Variants in ITGA9 observed in about 807,000 individuals in gnomAD.
ITGA9 encodes the protein integrin alpha-9.
ITGA9 carries 56 observed loss-of-function variants against 127.8 expected under a neutral mutation model. The observed-to-expected ratio is 0.44, with a 90% confidence interval of 0.35 to 0.55. The LOEUF (loss-of-function observed/expected upper bound fraction) is 0.55. Among genes scored for constraint, ITGA9 ranks in the 20% least tolerant of loss-of-function variants. The probability of loss-of-function intolerance (pLI) is 0.00; values close to 1 mark genes in which losing one functional copy is unlikely to be tolerated. For missense variants in ITGA9, 1,196 were observed against 1,347.1 expected, an observed-to-expected ratio of 0.89 and a Z score of 1.76; for synonymous variants, 508 against 514.5, an observed-to-expected ratio of 0.99 and a Z score of 0.17.
intron 26 of ITGA9, among the ~76,000 whole-genome samples, chr3:37,797,719 T>G (rs1268462174): frequency 6.6e-6 from 1 of 152,092 alleles, no homozygotes; most frequent in Non-Finnish European, 1.5e-5. Flanking sequence ...TAGATAATCT[T>G]TTTATTTTTT....
intron 6 of ITGA9, among the ~76,000 whole-genome samples, 162 bp downstream of exon 6, chr3:37,503,469 C>G (rs1173310714): frequency 6.6e-6 from 1 of 152,140 alleles, no homozygotes; most frequent in African/African-American, 2.4e-5. Context: ...ACATCTAGCT[C>G]CACAAACACA....
chr3:37,512,120 C>CCTTCCTTCT (rs1698929069), intron 8 of ITGA9, among the ~76,000 whole-genome samples: 6 of 39,466 alleles, frequency 1.5e-4, no homozygotes, highest in African/African-American at 2.4e-4. Flanking sequence ...TTCCTTCCTT[C>CCTTCCTTCT]TTTCTTTTCT....
intron 15 of ITGA9, among the ~76,000 whole-genome samples, chr3:37,628,033 A>C (rs951732151): frequency 6.6e-6 from 1 of 152,102 alleles, no homozygotes; most frequent in Non-Finnish European, 1.5e-5. Context: ...CTTTGAACAC[A>C]GTGCTACTCT....
At chr3:37,505,663 G>A (rs995193133) in intron 6 of ITGA9, among the ~76,000 whole-genome samples, 9 of 152,172 alleles carry the variant, frequency 5.9e-5, no homozygotes, top group African/African-American at 1.4e-4. Flanking sequence ...GCTCATGTGT[G>A]CATTCATTGA....
At chr3:37,732,971 G>A (rs866250975) in intron 19 of ITGA9, 173 bp downstream of exon 19, 6 of 665,784 alleles carry the variant, frequency 9.0e-6, no homozygotes, top group Non-Finnish European at 1.4e-5. Flanking sequence ...GTACACCGGG[G>A]TATACTCCGG....
intron 14 of ITGA9, among the ~76,000 whole-genome samples, chr3:37,542,116 T>C (rs1699278471): frequency 6.6e-6 from 1 of 152,204 alleles, no homozygotes; most frequent in South Asian, 2.1e-4. Context: ...GTACACCTTG[T>C]TAATGGGCAT....
chr3:37,736,196 A>G (rs1009503526), intron 19 of ITGA9, among the ~76,000 whole-genome samples: 1 of 152,114 alleles, frequency 6.6e-6, no homozygotes, highest in Non-Finnish European at 1.5e-5. Context: ...ACCATCACAT[A>G]GGGGGGTTAG....
intron 15 of ITGA9, among the ~76,000 whole-genome samples, chr3:37,560,714 AT>A (rs1468635590): frequency 5.3e-5 from 8 of 151,510 alleles, no homozygotes; most frequent in African/African-American, 2.4e-5. Flanking sequence ...GATGATGAGC[AT>A]TTTTTTTTCT....
intron 15 of ITGA9, among the ~76,000 whole-genome samples, chr3:37,600,206 T>C (rs1699904287): frequency 6.6e-6 from 1 of 152,226 alleles, no homozygotes. Flanking sequence ...GCACTTATTG[T>C]ATACGAGACT....
At chr3:37,656,334 G>A (rs1391924393) in intron 17 of ITGA9, among the ~76,000 whole-genome samples, 1 of 152,146 alleles carries the variant, frequency 6.6e-6, no homozygotes, top group Admixed American at 6.5e-5. Flanking sequence ...AGCACAGACT[G>A]TTTTTTCATT....
At chr3:37,807,053 C>G (rs551276873) in intron 27 of ITGA9, 6 of 152,470 alleles carry the variant, frequency 3.9e-5, no homozygotes, top group Admixed American at 3.3e-4. Context: ...ATGAGTCCCC[C>G]TCCCTTGCCC....
intron 15 of ITGA9, among the ~76,000 whole-genome samples, chr3:37,557,504 G>A (rs911568315): frequency 6.6e-6 from 1 of 152,154 alleles, no homozygotes; most frequent in African/African-American, 2.4e-5. Context: ...CCTAGCCCCA[G>A]TTCATGGGAG....
chr3:37,481,087 C>G (rs1698547250), intron 3 of ITGA9, among the ~76,000 whole-genome samples: 1 of 152,170 alleles, frequency 6.6e-6, no homozygotes, highest in South Asian at 2.1e-4. Context: ...GAGCCTTTCT[C>G]ACGATGTATC....
intron 23 of ITGA9, chr3:37,754,052 C>T (rs2125539629): frequency 6.6e-6 from 1 of 152,228 alleles, no homozygotes; most frequent in East Asian, 1.9e-4. Context: ...TCAGAACAGA[C>T]CTGAAAAATT....
intron 15 of ITGA9, among the ~76,000 whole-genome samples, chr3:37,561,204 C>T (rs1006592554): frequency 6.6e-6 from 1 of 152,084 alleles, no homozygotes; most frequent in African/African-American, 2.4e-5. Context: ...CCAATATAGC[C>T]AAAATGTTAT....
At chr3:37,658,632 T>G (rs1418843299) in intron 17 of ITGA9, among the ~76,000 whole-genome samples, 1 of 152,206 alleles carries the variant, frequency 6.6e-6, no homozygotes, top group Non-Finnish European at 1.5e-5. Context: ...GTCTTGACTC[T>G]TCATCCAATT....
At chr3:37,595,343 G>A in intron 15 of ITGA9, among the ~76,000 whole-genome samples, 1 of 152,140 alleles carries the variant, frequency 6.6e-6, no homozygotes, top group East Asian at 1.9e-4. Flanking sequence ...AGGAAGAAAA[G>A]GCCACACAAG....
At chr3:37,690,317 T>C (rs1353993676) in intron 18 of ITGA9, among the ~76,000 whole-genome samples, 1 of 152,166 alleles carries the variant, frequency 6.6e-6, no homozygotes, top group Non-Finnish European at 1.5e-5. Context: ...GCCAGTAACA[T>C]TTCTGGTGGC....
intron 15 of ITGA9, among the ~76,000 whole-genome samples, chr3:37,560,905 G>C (rs938793237): frequency 5.9e-5 from 9 of 152,274 alleles, no homozygotes; most frequent in Non-Finnish European, 1.2e-4. Context: ...TTTCTCCTGA[G>C]GCCTCTCTTC....
Sources: gnomAD v4.1 joint callset for allele counts (sites outside exome capture counted in the v4.1 genomes callset) on GRCh38, gnomAD v4.1.1 for gene constraint, MANE v1.5 for transcripts, NCBI Gene and HGNC (gene_info 2026-07-23, HGNC 2026-07-21) for gene names.